The following SGCD variants were observed in gnomAD, a reference collection of about 807,000 sequenced individuals.
SGCD encodes the protein sarcoglycan delta, also known as delta-sarcoglycan.
SGCD carries 18 observed loss-of-function variants against 36.6 expected under a neutral mutation model. That is an observed-to-expected ratio of 0.49 (90% CI 0.34 to 0.73). SGCD has a LOEUF of 0.73. Among genes scored for constraint, SGCD ranks in the 30% least tolerant of loss-of-function variants. SGCD has a pLI of 0.01. For synonymous variants in SGCD, 133 were observed against 130.6 expected (o/e 1.02, Z -0.12); for missense variants, 387 against 346.7 (o/e 1.12, Z -0.92).
the SGCD span, among the ~76,000 whole-genome samples, chr5:155,856,534 T>G: frequency 6.6e-6 from 1 of 151,710 alleles, no homozygotes. Context: ...ACAACTGTTT[T>G]GAAAGACACT....
intron 7 of SGCD, among the ~76,000 whole-genome samples, chr5:156,681,458 C>A (rs1435307077): frequency 6.6e-6 from 1 of 152,136 alleles, no homozygotes; most frequent in Non-Finnish European, 1.5e-5. Context: ...TTTATGGGCA[C>A]AGGATAGGGG....
At chr5:156,140,610 T>C (rs1178744877) in intron 3 of SGCD, among the ~76,000 whole-genome samples, 1 of 152,140 alleles carries the variant, frequency 6.6e-6, no homozygotes, top group Admixed American at 6.5e-5. Flanking sequence ...GCGGAGTGTT[T>C]AGGGTGCTGC....
chr5:156,125,991 C>T (rs1342424266), intron 3 of SGCD, among the ~76,000 whole-genome samples: 1 of 151,708 alleles, frequency 6.6e-6, no homozygotes, highest in African/African-American at 2.4e-5. Flanking sequence ...GATTCTTCTG[C>T]CTCAGCCTCC....
chr5:155,976,201 GCTCTCTAAAAGGGTCTTATACCATTTTGT>G (rs1758110807), intron 1 of SGCD, among the ~76,000 whole-genome samples: 1 of 152,128 alleles, frequency 6.6e-6, no homozygotes, highest in African/African-American at 2.4e-5. Flanking sequence ...ACTAGGAAGG[GCTCTCTAAAAGGGTCTTATACCATTTTGT>G]CTCTATAAAA....
chr5:156,478,665 C>G (rs1315087255), intron 3 of SGCD, among the ~76,000 whole-genome samples: 2 of 152,220 alleles, frequency 1.3e-5, no homozygotes, highest in East Asian at 3.9e-4. Context: ...ACTGCAACCT[C>G]CGCCTCATGG....
intron 3 of SGCD, among the ~76,000 whole-genome samples, chr5:156,494,028 C>T (rs752252656): frequency 6.6e-6 from 1 of 152,062 alleles, no homozygotes; most frequent in Non-Finnish European, 1.5e-5. Context: ...GCTAAATTGG[C>T]ATGGCGGGGT....
At chr5:156,453,040 G>T (rs561931254) in intron 3 of SGCD, among the ~76,000 whole-genome samples, 4 of 152,188 alleles carry the variant, frequency 2.6e-5, no homozygotes, top group African/African-American at 4.8e-5. Context: ...GATAATATTT[G>T]ATTCAGTTTT....
intron 3 of SGCD, among the ~76,000 whole-genome samples, chr5:156,415,051 C>G (rs1424011161): frequency 6.6e-6 from 1 of 152,028 alleles, no homozygotes; most frequent in African/African-American, 2.4e-5. Context: ...TAAATTTACA[C>G]AAGAACAGAG....
chr5:155,915,099 G>A (rs114282838), intron 1 of SGCD, among the ~76,000 whole-genome samples: 1,799 of 152,180 alleles, frequency 0.012, 32 homozygotes, highest in African/African-American at 0.041. Flanking sequence ...CTTCAATTCT[G>A]TTGGGAAAAT....
intron 3 of SGCD, among the ~76,000 whole-genome samples, chr5:156,422,569 A>C (rs1209948250): frequency 7.2e-5 from 11 of 152,082 alleles, no homozygotes; most frequent in Non-Finnish European, 1.3e-4. Flanking sequence ...TAAGCAAGAT[A>C]ACCTACTATG....
At chr5:156,208,139 A>C (rs1364661250) in intron 3 of SGCD, among the ~76,000 whole-genome samples, 1 of 152,244 alleles carries the variant, frequency 6.6e-6, no homozygotes, top group Non-Finnish European at 1.5e-5. Flanking sequence ...ATTTATAATC[A>C]GTGGAATTAA....
intron 1 of SGCD, among the ~76,000 whole-genome samples, chr5:155,918,349 GA>G (rs1289906394): frequency 2.6e-5 from 4 of 152,146 alleles, no homozygotes; most frequent in African/African-American, 9.7e-5. Context: ...GATCACCTGA[GA>G]TTAGGAGTTT....
chr5:155,988,642 T>G (rs1758379042), intron 1 of SGCD, among the ~76,000 whole-genome samples: 1 of 151,788 alleles, frequency 6.6e-6, no homozygotes, highest in Admixed American at 6.5e-5. Context: ...GAAAGGTAGA[T>G]ATCTAAAATG....
At chr5:156,201,485 G>A (rs892471806) in intron 3 of SGCD, among the ~76,000 whole-genome samples, 15 of 152,228 alleles carry the variant, frequency 9.9e-5, no homozygotes, top group Admixed American at 3.9e-4. Flanking sequence ...GATGTCTTAC[G>A]TTGACATTAA....
intron 7 of SGCD, among the ~76,000 whole-genome samples, chr5:156,648,444 A>G (rs1763317469): frequency 1.3e-5 from 2 of 152,156 alleles, no homozygotes; most frequent in South Asian, 4.1e-4. Context: ...AAAAAGCAAG[A>G]GCCATATTGG....
chr5:156,008,029 C>T (rs76854493), intron 1 of SGCD, among the ~76,000 whole-genome samples: 62 of 152,110 alleles, frequency 4.1e-4, no homozygotes, highest in Non-Finnish European at 7.6e-4. Flanking sequence ...TTTTTTTTCT[C>T]CATAGTGATG....
intron 3 of SGCD, among the ~76,000 whole-genome samples, chr5:156,141,099 T>G (rs1179640200): frequency 6.6e-6 from 1 of 152,176 alleles, no homozygotes; most frequent in African/African-American, 2.4e-5. Flanking sequence ...AAAATCTTGG[T>G]GGTGTTCATG....
At chr5:156,535,574 A>G (rs1416177058) in intron 4 of SGCD, among the ~76,000 whole-genome samples, 8 of 152,176 alleles carry the variant, frequency 5.3e-5, no homozygotes, top group Non-Finnish European at 1.0e-4. Flanking sequence ...CAGTTAGGGG[A>G]TAATTTTCAT....
intron 4 of SGCD, among the ~76,000 whole-genome samples, chr5:156,534,430 C>T (rs1758012508): frequency 6.6e-6 from 1 of 152,162 alleles, no homozygotes; most frequent in South Asian, 2.1e-4. Context: ...TATCCTGATT[C>T]TTTATACTCT....
Sources: allele counts gnomAD v4.1 joint callset (sites outside exome capture counted in the v4.1 genomes callset), GRCh38; gene constraint gnomAD v4.1.1; transcripts MANE v1.5; gene names NCBI Gene and HGNC (gene_info 2026-07-23, HGNC 2026-07-21).